Variants in RYR2 observed in about 807,000 individuals in gnomAD.
RYR2 encodes cardiac muscle ryanodine receptor-calcium release channel.
A neutral mutation model predicts 601.1 loss-of-function variants in RYR2; 227 were observed. That is an observed-to-expected ratio of 0.38 (90% CI 0.34 to 0.42). RYR2 has a LOEUF of 0.42. Ranked by LOEUF, RYR2 falls within the 10% of genes least tolerant of loss-of-function variation. The pLI is 1.00. For missense variants in RYR2, 4,646 were observed against 6,156.5 expected (o/e 0.75, Z 8.21); for synonymous variants, 2,223 against 2,175.1 (o/e 1.02, Z -0.61).
chr1:237,481,926 T>C (rs776246222), intron 17 of RYR2, among the ~76,000 whole-genome samples: 10 of 151,678 alleles, frequency 6.6e-5, no homozygotes, highest in Non-Finnish European at 1.3e-4. Flanking sequence ...TTCATTTGCA[T>C]GTTTTTCTTT....
chr1:237,773,250 G>C lies in RYR2; in HGVS notation c.11647-270G>C, dbSNP rs150794408. Reference sequence around the variant, plus strand: ...CCAGTCTTAATGAATTCTTATGTTTGTGAAGTTCAAGGTTATCAGACAGTA... The same window carrying C: ...CCAGTCTTAATGAATTCTTATGTTTCTGAAGTTCAAGGTTATCAGACAGTA... On this transcript the variant is annotated intron_variant, in intron 86 of 104. Transcript: ENST00000366574. Among the ~76,000 whole-genome samples, 5 of 152,266 alleles carry C rather than the reference G, an allele frequency of 3.3e-5. No individual in the cohort carries two copies. In the East Asian group the frequency reaches 9.7e-4, roughly 29 times the overall value.
At chr1:237,768,304 T>C (rs1424397865) in intron 84 of RYR2, among the ~76,000 whole-genome samples, 2 of 152,184 alleles carry the variant, frequency 1.3e-5, no homozygotes, top group African/African-American at 4.8e-5. Flanking sequence ...CCACTGCACC[T>C]AATATATTAA....
chr1:237,183,654 AC>A (rs1399400362), intron 1 of RYR2, among the ~76,000 whole-genome samples: 1 of 152,240 alleles, frequency 6.6e-6, no homozygotes, highest in African/African-American at 2.4e-5. Flanking sequence ...TTTGGAGATA[AC>A]CTCAGAACGA....
intron 79 of RYR2, among the ~76,000 whole-genome samples, chr1:237,737,278 T>G (rs1310367778): frequency 6.6e-6 from 1 of 152,216 alleles, no homozygotes; most frequent in Non-Finnish European, 1.5e-5. Context: ...CCTTCATAAT[T>G]AAATAATCAT....
At position 237,651,406 on chromosome 1, in the gene RYR2, A is replaced by G. The variant is rs1438144185; in HGVS notation, c.7734-5A>G. On this transcript the variant is annotated splice_polypyrimidine_tract_variant and splice_region_variant and intron_variant, in intron 50 of 104. Transcript: ENST00000366574. ...GCATTATGAACATTAGCTTTGTTCC[A>G]ACAGACAACTGAGACCTTCTATGAT... 2 of 1,584,010 alleles carry G rather than the reference A, an allele frequency of 1.3e-6. No individual in the cohort carries two copies. Among genetic ancestry groups the G allele is most frequent in the Middle Eastern group, 1.7e-4 (1 of 6,020 alleles).
chr1:237,118,297 C>G (rs1273423036), intron 1 of RYR2, among the ~76,000 whole-genome samples: 3 of 151,908 alleles, frequency 2.0e-5, no homozygotes, highest in African/African-American at 4.8e-5. Flanking sequence ...ACTCACCTTA[C>G]AGAAAGTCCT....
intron 2 of RYR2, among the ~76,000 whole-genome samples, chr1:237,329,091 T>C (rs878885813): frequency 6.6e-6 from 1 of 152,240 alleles, no homozygotes; most frequent in Admixed American, 6.5e-5. Context: ...TTTATTATGA[T>C]TTATTGGAAA....
chr1:237,636,742 A>G (rs1680913899), intron 44 of RYR2, among the ~76,000 whole-genome samples: 1 of 152,234 alleles, frequency 6.6e-6, no homozygotes, highest in Admixed American at 6.5e-5. Flanking sequence ...TGTTTCTAAC[A>G]GCTTTATTCG....
At chr1:237,181,854 G>A (rs1646237980) in intron 1 of RYR2, among the ~76,000 whole-genome samples, 1 of 152,112 alleles carries the variant, frequency 6.6e-6, no homozygotes, top group Non-Finnish European at 1.5e-5. Context: ...TGCAATTCCT[G>A]TAACAGCTGA....
rs747353568 is a variant in RYR2 at position 237,831,578 on chromosome 1, T to A, written c.14808+13T>A. On this transcript the variant is annotated intron_variant, in intron 104 of 104. Coordinates refer to ENST00000366574, the MANE Select transcript of RYR2 (RefSeq NM_001035.3). Reference sequence around the variant, plus strand: ...ACACACAGGACAGGTAGGTAAATTATTACATGTCATCTTCTGAAAGAAATG... The same window carrying A: ...ACACACAGGACAGGTAGGTAAATTAATACATGTCATCTTCTGAAAGAAATG... 2.1e-5 allele frequency: 31 copies of A among 1,466,878 alleles called. No homozygotes were observed. The highest frequency in any genetic ancestry group is 2.7e-5 in the Non-Finnish European group (29 of 1,056,928). The allele number at this position is 1,466,878 out of a possible 1,614,324, so 90.9% of individuals were successfully genotyped here. A position where few individuals can be genotyped will look rare whatever the true frequency, so the allele number is the denominator to read the frequency against.
intron 1 of RYR2, among the ~76,000 whole-genome samples, chr1:237,046,511 T>G (rs1045725605): frequency 1.3e-5 from 2 of 152,230 alleles, no homozygotes; most frequent in Non-Finnish European, 2.9e-5. Context: ...TAGATAGATA[T>G]GCACTATGGT....
chr1:237,404,111 A>G (rs1703648383), intron 10 of RYR2, among the ~76,000 whole-genome samples: 3 of 152,134 alleles, frequency 2.0e-5, no homozygotes, highest in South Asian at 4.1e-4. Flanking sequence ...AAAATCAGCC[A>G]GGCCTGGTGG....
intron 18 of RYR2, among the ~76,000 whole-genome samples, chr1:237,492,378 T>C (rs1034437158): frequency 6.6e-6 from 1 of 152,240 alleles, no homozygotes; most frequent in Non-Finnish European, 1.5e-5. Context: ...TGTTTATTCA[T>C]AGCATCAGTG....
chr1:237,365,949 G>A (rs1473928129), intron 5 of RYR2, among the ~76,000 whole-genome samples: 1 of 152,232 alleles, frequency 6.6e-6, no homozygotes, highest in African/African-American at 2.4e-5. Flanking sequence ...AGGCCAGAAG[G>A]CCAATAGTTA....
At chr1:237,543,451 T>G (rs901540262) in intron 25 of RYR2, among the ~76,000 whole-genome samples, 2 of 152,240 alleles carry the variant, frequency 1.3e-5, no homozygotes, top group African/African-American at 2.4e-5. Flanking sequence ...TGTGAAAATG[T>G]CAGCCTAGTA....
chr1:237,208,972 A>ATG (rs56773564), intron 1 of RYR2, among the ~76,000 whole-genome samples: 19,549 of 118,418 alleles, frequency 0.17, 2,330 homozygotes, highest in East Asian at 0.33. Flanking sequence ...ATATATATAT[A>ATG]TATATATATA....
chr1:237,621,779 A>G (rs962396462), intron 38 of RYR2, among the ~76,000 whole-genome samples: 1 of 152,222 alleles, frequency 6.6e-6, no homozygotes, highest in Non-Finnish European at 1.5e-5. Context: ...TCGTATGGGA[A>G]TACATGCATA....
intron 25 of RYR2, among the ~76,000 whole-genome samples, chr1:237,544,268 A>C (rs1388015031): frequency 2.0e-5 from 3 of 152,182 alleles, no homozygotes; most frequent in Non-Finnish European, 4.4e-5. Context: ...GAGAATGTGC[A>C]TGTTAAAGAA....
At chr1:237,239,822 C>T (rs1685957846) in intron 1 of RYR2, among the ~76,000 whole-genome samples, 1 of 152,172 alleles carries the variant, frequency 6.6e-6, no homozygotes, top group Non-Finnish European at 1.5e-5. Flanking sequence ...TCAGCAGTTT[C>T]TGGACTAGGT....
Sources: gnomAD v4.1 joint callset for allele counts (sites outside exome capture counted in the v4.1 genomes callset) on GRCh38, gnomAD v4.1.1 for gene constraint, MANE v1.5 for transcripts, NCBI Gene and HGNC (gene_info 2026-07-23, HGNC 2026-07-21) for gene names.